Variants in MGST2 observed in about 807,000 individuals in gnomAD.
MGST2 encodes glutathione peroxidase MGST2.
MGST2 carries 9 observed loss-of-function variants against 16.6 expected under a neutral mutation model. The ratio of observed to expected loss-of-function variants is 0.54; its 90% confidence interval spans 0.33 to 0.95. The LOEUF (loss-of-function observed/expected upper bound fraction) is 0.95, where lower values mean the gene tolerates loss of function less well. Among genes scored for constraint, MGST2 ranks in the 40% least tolerant of loss-of-function variants. The pLI is 0.03. For missense variants in MGST2, 159 were observed against 175.1 expected, an observed-to-expected ratio of 0.91 and a Z score of 0.52; for synonymous variants, 79 against 68.0, an observed-to-expected ratio of 1.16 and a Z score of -0.79.
rs544498853 is a variant in MGST2, at chr4:139,703,169, AC to A, written c.230-279del. 1.9e-3 allele frequency among the ~76,000 whole-genome samples: 288 copies of A among 150,706 alleles called. 2 individuals carry two copies. The highest frequency in any genetic ancestry group is 5.4e-3 in the African/African-American group (221 of 40,982). On this transcript the variant is annotated intron_variant, in intron 3 of 4. Coordinates refer to ENST00000265498, the MANE Select transcript of MGST2 (RefSeq NM_002413.5). ...TTGAACTCCTGACCTCAAGTGATTC[AC>A]CCCCCCTCGGCCTCTCAAAGTGTTG...
intron 2 of MGST2, among the ~76,000 whole-genome samples, chr4:139,679,529 T>A (rs1731130966): frequency 6.6e-6 from 1 of 152,208 alleles, no homozygotes; most frequent in South Asian, 2.1e-4. Context: ...GGGCCTAATG[T>A]TTTTCTGGTG....
chr4:139,699,890 AAAC>A (rs1401116433), intron 3 of MGST2, among the ~76,000 whole-genome samples: 1 of 152,070 alleles, frequency 6.6e-6, no homozygotes, highest in African/African-American at 2.4e-5. Context: ...TTTTTTTAAA[AAAC>A]TATCTGGGCA....
At chr4:139,719,481 T>G (rs1188547034) in intron 5 of MGST2, 5 of 1,614,014 alleles carry the variant, frequency 3.1e-6, no homozygotes, top group Non-Finnish European at 4.2e-6. Flanking sequence ...TGAGGGGCAT[T>G]CCGCTCATAG....
In MGST2 at chr4:139,735,827, C is replaced by T. The variant is rs908788170; in HGVS notation, c.*49-4385C>T. The stretch of plus-strand genomic sequence containing the variant: ...GCGCAGGCGGCCCTAACAAAGAAGC[C>T]CACGAGGCGGTCCCGGGCGCGGGCA... On this transcript the variant is annotated intron_variant, in intron 5 of 5. Coordinates refer to the MGST2 transcript ENST00000616265. The surrounding 1 kb of genome is among the most constrained non-coding windows in gnomAD (Gnocchi z 5.8). Among the ~76,000 whole-genome samples, 6 of 151,940 alleles carry T rather than the reference C, an allele frequency of 3.9e-5. No individual in the cohort carries two copies. The highest frequency in any genetic ancestry group is 1.5e-4 in the African/African-American group (6 of 41,366).
intron 5 of MGST2, among the ~76,000 whole-genome samples, chr4:139,734,085 A>T (rs768032292): frequency 6.6e-6 from 1 of 152,192 alleles, no homozygotes; most frequent in Non-Finnish European, 1.5e-5. Context: ...AGAGACACCT[A>T]CAGCCCCCGA....
At chr4:139,709,695 C>T (rs1031459894) in intron 5 of MGST2, among the ~76,000 whole-genome samples, 4 of 152,178 alleles carry the variant, frequency 2.6e-5, no homozygotes, top group African/African-American at 9.7e-5. Flanking sequence ...GTTAAAGGAT[C>T]TGAAGAGAAG....
chr4:139,666,835 A>G (rs1730381726), intron 1 of MGST2, among the ~76,000 whole-genome samples: 1 of 152,172 alleles, frequency 6.6e-6, no homozygotes, highest in African/African-American at 2.4e-5. Flanking sequence ...CAAGCCGTAG[A>G]CTGCTCAGGT....
At chr4:139,737,775 C>A (rs1032938579) in intron 5 of MGST2, among the ~76,000 whole-genome samples, 1 of 152,182 alleles carries the variant, frequency 6.6e-6, no homozygotes, top group Non-Finnish European at 1.5e-5. Flanking sequence ...AAAATTTTTA[C>A]TGTGGGTTTG....
chr4:139,753,901 A>C, the MGST2 span, among the ~76,000 whole-genome samples: 2 of 152,224 alleles, frequency 1.3e-5, no homozygotes, highest in African/African-American at 4.8e-5. Context: ...GAATTGTGTA[A>C]TGAGCAAAAG....
At chr4:139,670,898 C>T (rs1730653265) in intron 1 of MGST2, among the ~76,000 whole-genome samples, 1 of 147,006 alleles carries the variant, frequency 6.8e-6, no homozygotes, top group African/African-American at 2.6e-5. Context: ...GAGTGAGACC[C>T]TATCTCAAAA....
chr4:139,675,518 G>A (rs554549937), intron 1 of MGST2, among the ~76,000 whole-genome samples: 4 of 152,326 alleles, frequency 2.6e-5, no homozygotes, highest in African/African-American at 4.8e-5. Context: ...ACAGGGAAAC[G>A]TCGGCAGGTA....
chr4:139,747,568 C>T, the MGST2 span, among the ~76,000 whole-genome samples: 1 of 152,006 alleles, frequency 6.6e-6, no homozygotes, highest in African/African-American at 2.4e-5. Flanking sequence ...GTGGTGTGTG[C>T]CTGTAATCCC....
downstream of MGST2, among the ~76,000 whole-genome samples, chr4:139,742,960 T>C (rs1729213276): frequency 6.6e-6 from 1 of 152,230 alleles, no homozygotes; most frequent in Non-Finnish European, 1.5e-5. Context: ...AGTTTCCTAA[T>C]TTCTTTCCAC....
In MGST2 at chr4:139,665,942, G is replaced by T. The variant is rs1730307490; in HGVS notation, c.-78G>T. ...ACCCGGTCCCCAACTTTGTTTACCC[G>T]ATAAGGAAGGTCAGCATTCAAAGTC... is the stretch of plus-strand genomic sequence containing the variant. On this transcript the variant is annotated 5_prime_UTR_variant, in exon 1 of 5. Coordinates refer to ENST00000265498, the MANE Select transcript of MGST2 (RefSeq NM_002413.5). 2.8e-6 allele frequency: 4 copies of T among 1,451,904 alleles called. No individual in the cohort carries two copies. Among genetic ancestry groups the T allele is most frequent in the Non-Finnish European group, 3.9e-6 (4 of 1,036,136 alleles). 89.9% of individuals were successfully genotyped at this position (1,451,904 alleles called of 1,614,324 possible). A position where few individuals can be genotyped will look rare whatever the true frequency, so the allele number is the denominator to read the frequency against.
rs749092099 is a variant in MGST2, at chr4:139,719,839, G to A, written c.*48+15643G>A. 1.1e-5 allele frequency: 18 copies of A among 1,613,632 alleles called. No individual in the cohort carries two copies. The South Asian group carries it at 1.8e-4, about 16-fold the overall frequency. ...TAGTCCTCCCAGGCATGCCCTGCAA[G>A]CTCCTCTGTTGCCAGCTTTGTGCTC... On this transcript the variant is annotated intron_variant, in intron 5 of 5. Coordinates refer to the MGST2 transcript ENST00000616265.
intron 5 of MGST2, chr4:139,720,206 C>T: frequency 1.2e-6 from 2 of 1,613,834 alleles, no homozygotes. Context: ...GGCCATCGTC[C>T]CAGGGTTCTG....
At chr4:139,701,109 G>A (rs1727226970) in intron 3 of MGST2, among the ~76,000 whole-genome samples, 4 of 152,174 alleles carry the variant, frequency 2.6e-5, no homozygotes, top group Admixed American at 2.0e-4. Flanking sequence ...TAAGAAAAGC[G>A]CCTTTTGGTA....
intron 5 of MGST2, among the ~76,000 whole-genome samples, chr4:139,729,807 G>A (rs1412049754): frequency 5.3e-5 from 8 of 152,234 alleles, no homozygotes; most frequent in Non-Finnish European, 1.0e-4. Flanking sequence ...AGCTGTATTT[G>A]TGTTAGGCTT....
chr4:139,717,117 A>ATAAC (rs1456522764), intron 5 of MGST2: 1 of 152,574 alleles, frequency 6.6e-6, no homozygotes, highest in African/African-American at 2.4e-5. Flanking sequence ...TTATGTACAA[A>ATAAC]TAACTTTTTT....
Sources: gnomAD v4.1 joint callset for allele counts (sites outside exome capture counted in the v4.1 genomes callset) on GRCh38, gnomAD v4.1.1 for gene constraint, Gnocchi (gnomAD v3.1) non-coding constraint, MANE v1.5 for transcripts, NCBI Gene and HGNC (gene_info 2026-07-23, HGNC 2026-07-21) for gene names.